SET: variants seen among roughly 807,000 people sequenced by gnomAD.
The protein encoded by SET is protein SET.
Under a neutral mutation model 39.0 loss-of-function variants are expected in SET, and 4 were observed. The observed-to-expected ratio is 0.10, with a 90% confidence interval of 0.05 to 0.23. The LOEUF (loss-of-function observed/expected upper bound fraction) is 0.23, where lower values mean the gene tolerates loss of function less well. Among genes scored for constraint, SET ranks in the 10% least tolerant of loss-of-function variants. The pLI, the probability that SET is intolerant of heterozygous loss-of-function variation, is 1.00. For synonymous variants in SET, 114 were observed against 115.9 expected (o/e 0.98, Z 0.11); for missense variants, 137 against 329.7 (o/e 0.42, Z 4.53).
Position 128,693,940 on chromosome 9 carries a change from T to C in SET, c.708T>C (p.Asp236=). The C allele has an allele frequency of 1.3e-6, 2 of 1,566,136 alleles. No individual in the cohort carries two copies. Among genetic ancestry groups the C allele is most frequent in the Non-Finnish European group, 8.8e-7 (1 of 1,137,672 alleles). Residue 236 remains aspartate, a synonymous_variant, in exon 7 of 8, where the codon GAT becomes GAC. Transcript: ENST00000322030. ...DDEEGEGEED[D]DDDEEEEGLE... ...AAGAAGGAGAAGGAGAAGAAGATGATGATGATGATGAAGAGGAGGAAGGAT... is the reference window on the plus strand; with the variant it reads ...AAGAAGGAGAAGGAGAAGAAGATGACGATGATGATGAAGAGGAGGAAGGAT...
At chr9:128,694,071 A>G (rs1446662858) in intron 7 of SET, 29 bp downstream of exon 7, 1 of 1,480,374 alleles carries the variant, frequency 6.8e-7, no homozygotes, top group African/African-American at 1.4e-5. Flanking sequence ...AAACCCACAA[A>G]GATAACTTTT....
Position 128,694,754 on chromosome 9 carries a change from TTTTTC to T in SET, c.*91_*95del. On this transcript the variant is annotated 3_prime_UTR_variant, in exon 8 of 8. Transcript: ENST00000322030. ...GCAGTCTTTTTTTTTTTTTTTTTTT[TTTTTC>T]CCTCTTGTGCTCAGTCGCCCTGTTC... 1.4e-6 allele frequency: 1 copy of T among 728,824 alleles called. No individual in the cohort carries two copies. The highest frequency in any genetic ancestry group is 2.2e-6 in the Non-Finnish European group (1 of 455,322). The allele number at this position is 728,824 out of a possible 1,614,324, so 45.1% of individuals were successfully genotyped here. A position where few individuals can be genotyped will look rare whatever the true frequency, so the allele number is the denominator to read the frequency against.
At chr9:128,683,968 G>A in exon 1 of SET, 1 of 1,557,140 alleles carries the variant, frequency 6.4e-7, no homozygotes, top group Non-Finnish European at 8.7e-7. Flanking sequence ...TCTGGGACCG[G>A]AGGAGACATC....
chr9:128,690,087 G>GC (rs1289058513), intron 1 of SET: 1 of 543,046 alleles, frequency 1.8e-6, no homozygotes, highest in African/African-American at 2.1e-5. Flanking sequence ...CGCCCGGCCC[G>GC]CGGCGGCGCC....
intron 1 of SET, chr9:128,690,743 TAG>T (rs1861501575): frequency 1.1e-5 from 2 of 186,230 alleles, no homozygotes; most frequent in African/African-American, 4.8e-5. Context: ...TTTACCTTGA[TAG>T]GTGGTAGTGG....
Position 128,691,915 on chromosome 9 carries a change from C to G in SET, c.189C>G (p.Leu63=). 6.2e-7 allele frequency: 1 copy of G among 1,613,698 alleles called. No homozygotes were observed. The highest frequency in any genetic ancestry group is 8.5e-7 in the Non-Finnish European group (1 of 1,179,804). ...AAGTAGAACAGAAATATAACAAACT[C>G]CGCCAACCATTTTTTCAGAAGAGGT... ...ILKVEQKYNK[L]RQPFFQKRSE... The change falls in exon 3 of 8, where the codon CTC becomes CTG. Residue 63 remains leucine (L), a synonymous_variant. Coordinates refer to ENST00000322030, the MANE Select transcript of SET (RefSeq NM_003011.4).
chr9:128,690,082 G>T (rs1311069800), intron 1 of SET: 2 of 561,238 alleles, frequency 3.6e-6, no homozygotes, highest in African/African-American at 2.1e-5. Context: ...CTTCGCGCCC[G>T]GCCCGCGGCG....
chr9:128,687,347 C>G (rs973977840), upstream of SET, among the ~76,000 whole-genome samples: 4 of 152,086 alleles, frequency 2.6e-5, no homozygotes, highest in Admixed American at 2.6e-4. Context: ...TGGCTCATGC[C>G]TGTAATCTCA....
upstream of SET, among the ~76,000 whole-genome samples, chr9:128,686,937 TG>T (rs1861302532): frequency 6.6e-6 from 1 of 152,172 alleles, no homozygotes; most frequent in Non-Finnish European, 1.5e-5. Flanking sequence ...GCCATGGTTC[TG>T]GGCGACAGAG....
intron 1 of SET, 176 bp from the exon 2 acceptor site, chr9:128,690,994 T>A: frequency 1.5e-6 from 1 of 681,520 alleles, no homozygotes; most frequent in Non-Finnish European, 2.6e-6. Context: ...TTGTAAATGG[T>A]CTTTTAATTA....
At chr9:128,694,068 C>A in intron 7 of SET, 26 bp downstream of exon 7, 1 of 1,481,044 alleles carries the variant, frequency 6.8e-7, no homozygotes, top group Non-Finnish European at 9.1e-7. Context: ...GCTAAACCCA[C>A]AAAGATAACT....
chr9:128,687,657 G>C (rs1429122239), upstream of SET, among the ~76,000 whole-genome samples: 1 of 149,616 alleles, frequency 6.7e-6, no homozygotes, highest in African/African-American at 2.5e-5. Context: ...GGTAAAGTGT[G>C]AGTTCTGGAA....
At chr9:128,693,163 A>G (rs188568009) in intron 5 of SET, among the ~76,000 whole-genome samples, 182 bp downstream of exon 5, 1 of 152,302 alleles carries the variant, frequency 6.6e-6, no homozygotes, top group Admixed American at 6.5e-5. Flanking sequence ...GATACTACAG[A>G]TGTAGGCAGG....
At position 128,694,732 on chromosome 9, in the gene SET, GTCT is replaced by G; in HGVS notation, c.*70_*72del. ...CTCCAGTCCCTGGGAGCAAGTTGCAGTCTTTTTTTTTTTTTTTTTTTTTTTTCC... is the reference window on the plus strand; with the variant it reads ...CTCCAGTCCCTGGGAGCAAGTTGCAGTTTTTTTTTTTTTTTTTTTTTTTCC... On this transcript the variant is annotated 3_prime_UTR_variant, in exon 8 of 8. Transcript: ENST00000322030. 1.6e-4 allele frequency: 76 copies of G among 470,006 alleles called. No homozygotes were observed. Among genetic ancestry groups the G allele is most frequent in the Non-Finnish European group, 2.4e-4 (68 of 280,854 alleles). 29.1% of individuals were successfully genotyped at this position (470,006 alleles called of 1,614,324 possible).
Position 128,693,627 on chromosome 9 carries a change from T to C in SET, c.493-11T>C, listed in dbSNP as rs1308186750. ...GAGATTGTATCAAAAGCTCTTCCGG[T>C]ATTCATTTAGGATTTGACGAAACGT... On this transcript the variant is annotated splice_polypyrimidine_tract_variant and intron_variant, in intron 5 of 7. Transcript: ENST00000322030. 6.3e-7 allele frequency: 1 copy of C among 1,599,174 alleles called. No homozygotes were observed. Among genetic ancestry groups the C allele is most frequent in the Non-Finnish European group, 8.5e-7 (1 of 1,173,054 alleles).
chr9:128,683,807 C>T lies in SET; in HGVS notation c.-89C>T, dbSNP rs1194642422. The T allele has an allele frequency of 1.1e-5, 13 of 1,167,116 alleles. No individual in the cohort carries two copies. The Admixed American group carries it at 2.2e-4, about 20-fold the overall frequency. The allele number at this position is 1,167,116 out of a possible 1,614,324, so 72.3% of individuals were successfully genotyped here. ...AGGGCGGCTCCAGTGCAGATTTAAG[C>T]CGCTGGCACCTGGGGCAGTCTCAGT... On this transcript the variant is annotated 5_prime_UTR_variant, in exon 1 of 8. Coordinates refer to the SET transcript ENST00000372692.
At position 128,690,034 on chromosome 9, in the gene SET, C is replaced by T. The variant is rs750117490; in HGVS notation, c.73+379C>T. 1.1e-3 allele frequency: 1,137 copies of T among 1,024,120 alleles called. 1 individual carries two copies. The highest frequency in any genetic ancestry group is 2.1e-3 in the Middle Eastern group (5 of 2,336). The allele number at this position is 1,024,120 out of a possible 1,614,324, so 63.4% of individuals were successfully genotyped here. The stretch of plus-strand genomic sequence containing the variant: ...CGCCGCCGCCGCCACATGGTGCGGC[C>T]GGACGCGGCCCCGCGCCCGACCTCC... On this transcript the variant is annotated intron_variant, in intron 1 of 7. Transcript: ENST00000322030.
At chr9:128,683,425 C>A (rs1238685099), upstream of SET, 1 of 220,752 alleles carries the variant, frequency 4.5e-6, no homozygotes, top group African/African-American at 2.3e-5. Context: ...GTGTGGTTTA[C>A]TGAGGAATGT....
At chr9:128,690,006 A>G (rs1190048179) in intron 1 of SET, 2 of 1,032,508 alleles carry the variant, frequency 1.9e-6, no homozygotes, top group South Asian at 5.9e-5. Context: ...CGCTCCCATC[A>G]GCCGCCGCCG....
Sources: allele counts gnomAD v4.1 joint callset (sites outside exome capture counted in the v4.1 genomes callset), GRCh38; gene constraint gnomAD v4.1.1; transcripts MANE v1.5; gene names NCBI Gene and HGNC (gene_info 2026-07-23, HGNC 2026-07-21).